The following WWC2 variants were observed in gnomAD, a reference collection of about 807,000 sequenced individuals.
WWC2 encodes the protein protein WWC2.
A neutral mutation model predicts 138.5 loss-of-function variants in WWC2; 101 were observed. The observed-to-expected ratio is 0.73, with a 90% CI of 0.62 to 0.86. The LOEUF is 0.86. Among genes scored for constraint, WWC2 ranks in the 40% least tolerant of loss-of-function variants. WWC2 has a pLI of 0.00. For missense variants in WWC2, 1,420 were observed against 1,419.4 expected, an observed-to-expected ratio of 1.00 and a Z score of -0.01; for synonymous variants, 558 against 538.4, an observed-to-expected ratio of 1.04 and a Z score of -0.50.
intron 21 of WWC2, among the ~76,000 whole-genome samples, chr4:183,310,477 T>C (rs1447492887): frequency 6.6e-6 from 1 of 152,194 alleles, no homozygotes; most frequent in Non-Finnish European, 1.5e-5. Context: ...TGCTGTTGTT[T>C]TTCTCTGCCA....
chr4:183,113,515 TGC>T (rs1554064965), intron 1 of WWC2, among the ~76,000 whole-genome samples: 18 of 126,722 alleles, frequency 1.4e-4, no homozygotes, highest in African/African-American at 4.8e-4. Flanking sequence ...TGTGTGTGTG[TGC>T]GCGCGCGTGC....
chr4:183,144,814 T>G (rs557773567), intron 1 of WWC2, among the ~76,000 whole-genome samples: 1 of 152,350 alleles, frequency 6.6e-6, no homozygotes, highest in South Asian at 2.1e-4. Context: ...GCATTCTAAT[T>G]AGAAGATAAT....
chr4:183,306,550 T>C (rs1399137424), intron 21 of WWC2, among the ~76,000 whole-genome samples: 1 of 151,970 alleles, frequency 6.6e-6, no homozygotes, highest in Non-Finnish European at 1.5e-5. Context: ...ATAAAGAGAT[T>C]AATTATCCAA....
intron 1 of WWC2, among the ~76,000 whole-genome samples, chr4:183,117,108 A>G (rs78025380): frequency 0.019 from 2,841 of 151,884 alleles, 80 homozygotes; most frequent in African/African-American, 0.065. Flanking sequence ...TACACCACCT[A>G]CACTTCTGCA....
At position 183,247,621 on chromosome 4, in the gene WWC2, T is replaced by C. The variant is rs191069967; in HGVS notation, c.733-1093T>C. On this transcript the variant is annotated intron_variant, in intron 6 of 22. Transcript: ENST00000403733. ...CTATATATGCTATATATACTATATA[T>C]ACTATATACTATATATACTATATAT... Among the ~76,000 whole-genome samples the C allele has an allele frequency of 9.7e-4, 125 of 128,238 alleles. 1 individual carries two copies. The highest frequency in any genetic ancestry group is 4.1e-3 in the African/African-American group (117 of 28,336). The allele number at this position is 128,238 out of a possible 152,430, so 84.1% of individuals were successfully genotyped here.
chr4:183,239,819 G>A (rs1736559839), intron 4 of WWC2, among the ~76,000 whole-genome samples: 1 of 152,126 alleles, frequency 6.6e-6, no homozygotes, highest in Non-Finnish European at 1.5e-5. Flanking sequence ...GAACGGAGGG[G>A]TGGGCAGTGG....
At chr4:183,170,206 A>G (rs1410147690) in intron 1 of WWC2, among the ~76,000 whole-genome samples, 1 of 152,220 alleles carries the variant, frequency 6.6e-6, no homozygotes, top group African/African-American at 2.4e-5. Flanking sequence ...TCCACTGTAG[A>G]AAATAGCGGG....
At chr4:183,309,990 A>G (rs1207011554) in intron 21 of WWC2, among the ~76,000 whole-genome samples, 1 of 152,210 alleles carries the variant, frequency 6.6e-6, no homozygotes, top group Non-Finnish European at 1.5e-5. Context: ...TGCATCATCC[A>G]ACTGTATGGC....
chr4:183,117,512 T>G (rs1302894159), intron 1 of WWC2, among the ~76,000 whole-genome samples: 1 of 151,968 alleles, frequency 6.6e-6, no homozygotes, highest in Non-Finnish European at 1.5e-5. Context: ...TGAGCCACTG[T>G]GCCCGGCCAC....
chr4:183,181,238 G>A (rs776492353), intron 1 of WWC2, among the ~76,000 whole-genome samples: 58 of 152,028 alleles, frequency 3.8e-4, no homozygotes, highest in Admixed American at 5.9e-4. Context: ...TCCTCTCTCT[G>A]GTAAATTGCA....
In WWC2 at chr4:183,285,875, C is replaced by T. The variant is rs1054046192; in HGVS notation, c.3049-92C>T. The stretch of plus-strand genomic sequence containing the variant: ...AGAAATAAACTCTTAACTATGACTA[C>T]CTGCTTTACTTGGTAAATGTCTCAA... On this transcript the variant is annotated intron_variant, in intron 19 of 22. Coordinates refer to ENST00000403733, the MANE Select transcript of WWC2 (RefSeq NM_024949.6). 8 of 1,169,626 alleles carry T rather than the reference C, an allele frequency of 6.8e-6. No homozygotes were observed. In the African/African-American group the frequency reaches 9.2e-5, roughly 13 times the overall value. 72.5% of individuals were successfully genotyped at this position (1,169,626 alleles called of 1,614,324 possible).
chr4:183,103,331 C>CTTT (rs772364256), intron 1 of WWC2, among the ~76,000 whole-genome samples: 2,412 of 123,768 alleles, frequency 0.019, 138 homozygotes, highest in African/African-American at 0.072. Context: ...TCTGTATTGT[C>CTTT]TTTTTTTTTT....
chr4:183,103,161 T>C (rs1340079444), intron 1 of WWC2, among the ~76,000 whole-genome samples: 1 of 151,726 alleles, frequency 6.6e-6, no homozygotes, highest in Non-Finnish European at 1.5e-5. Context: ...AAGGGTCAGA[T>C]GTTGAGCAAC....
At chr4:183,213,937 A>AC (rs1391468983) in intron 4 of WWC2, among the ~76,000 whole-genome samples, 1 of 152,142 alleles carries the variant, frequency 6.6e-6, no homozygotes, top group Admixed American at 6.5e-5. Context: ...AAAAAAAAAA[A>AC]ACACAATACC....
chr4:183,299,267 C>T (rs1009165742), intron 21 of WWC2, among the ~76,000 whole-genome samples: 2 of 152,074 alleles, frequency 1.3e-5, no homozygotes, highest in African/African-American at 4.8e-5. Context: ...TCCCACCTCT[C>T]AATACCGTTA....
intron 1 of WWC2, among the ~76,000 whole-genome samples, chr4:183,107,296 G>C (rs913276681): frequency 4.6e-5 from 7 of 151,958 alleles, no homozygotes; most frequent in African/African-American, 1.7e-4. Flanking sequence ...TGAGTAGCTG[G>C]GATTATAGGC....
In WWC2 at chr4:183,099,512, C is replaced by T. The variant is rs1427159659; in HGVS notation, c.21C>T (p.Ser7=). The change falls in exon 1 of 23, where the codon AGC becomes AGT. Residue 7 remains serine (S), a synonymous_variant. Transcript: ENST00000403733. The part of the protein sequence containing the change: MPRRAG[S]GQLPLPRGWE... ...CGACCATGCCTAGGAGGGCCGGGAGCGGTCAGCTGCCGCTGCCCCGGGGCT... is the reference window on the plus strand; with the variant it reads ...CGACCATGCCTAGGAGGGCCGGGAGTGGTCAGCTGCCGCTGCCCCGGGGCT... The T allele has an allele frequency of 7.2e-7, 1 of 1,387,378 alleles. No individual in the cohort carries two copies. The highest frequency in any genetic ancestry group is 9.5e-7 in the Non-Finnish European group (1 of 1,053,860). The allele number at this position is 1,387,378 out of a possible 1,614,324, so 85.9% of individuals were successfully genotyped here.
At position 183,135,368 on chromosome 4, in the gene WWC2, C is replaced by CT. The variant is rs571380428; in HGVS notation, c.131+35748dup. Among the ~76,000 whole-genome samples, 44 of 151,902 alleles carry CT rather than the reference C, an allele frequency of 2.9e-4. No individual in the cohort carries two copies. The South Asian group carries it at 8.5e-3, about 29-fold the overall frequency. On this transcript the variant is annotated intron_variant, in intron 1 of 22. Transcript: ENST00000403733. ...ATTGATTAGTTTTTCTCTCTACTAG[C>CT]TTAGAGGTTTGCTTTTTTTTTGGTG...
At chr4:183,134,514 C>T (rs1450363358) in intron 1 of WWC2, among the ~76,000 whole-genome samples, 1 of 152,132 alleles carries the variant, frequency 6.6e-6, no homozygotes, top group Non-Finnish European at 1.5e-5. Context: ...TTACCCCTAA[C>T]TATTTAGAAG....
Sources: gnomAD v4.1 joint callset for allele counts (sites outside exome capture counted in the v4.1 genomes callset) on GRCh38, gnomAD v4.1.1 for gene constraint, MANE v1.5 for transcripts, NCBI Gene and HGNC (gene_info 2026-07-23, HGNC 2026-07-21) for gene names.